Variants in CCDC59 observed in about 807,000 individuals in gnomAD.
The protein encoded by CCDC59 is coiled-coil domain containing 59, also known as thyroid transcription factor 1-associated protein 26.
In CCDC59, 27 loss-of-function variants were observed where a neutral mutation model predicts 30.5. The observed-to-expected ratio is 0.89, with a 90% CI of 0.65 to 1.22. The LOEUF (loss-of-function observed/expected upper bound fraction) is 1.22, where lower values mean the gene tolerates loss of function less well. Ranked by LOEUF, CCDC59 falls within the 50% of genes most tolerant of loss-of-function variation. The pLI is 0.00. For missense variants in CCDC59, 362 were observed against 284.4 expected, an observed-to-expected ratio of 1.27 and a Z score of -1.96; for synonymous variants, 125 against 100.9, an observed-to-expected ratio of 1.24 and a Z score of -1.43.
chr12:82,356,234 T>C (rs967642456), intron 2 of CCDC59: 1 of 152,264 alleles, frequency 6.6e-6, no homozygotes, highest in Non-Finnish European at 1.5e-5. Flanking sequence ...TATGCAGCGA[T>C]AGTTTTTTAT....
rs2136752213 is a variant in CCDC59 at position 82,357,156 on chromosome 12, G to C, written c.268C>G (p.Pro90Ala). The change falls in exon 2 of 4, where the codon CCA (proline) becomes GCA (alanine). Residue 90 changes from proline (P) to alanine (A), a missense_variant. Pro to Ala is a conservative substitution (Grantham distance 27). Coordinates refer to ENST00000256151, the MANE Select transcript of CCDC59 (RefSeq NM_014167.5). ...AAATAGAGATGTTTCAGATTATCTG[G>C]GTATCGATCTGTGAATTGAGATTCC... ...SLESQFTDRY[P>A]DNLKHLYLAE... The C allele has an allele frequency of 6.2e-7, 1 of 1,613,998 alleles. No individual in the cohort carries two copies. The highest frequency in any genetic ancestry group is 2.2e-5 in the East Asian group (1 of 44,856).
chr12:82,356,935 G>C (rs779915819), intron 2 of CCDC59, 25 bp downstream of exon 2: 3 of 1,552,764 alleles, frequency 1.9e-6, no homozygotes, highest in Non-Finnish European at 2.6e-6. Context: ...ACACTTAAAG[G>C]ATTTCAAATG....
Position 82,358,248 on chromosome 12 carries a change from T to TAACCA in CCDC59, c.128_129insTGGTT (p.Gln43HisfsTer3), listed in dbSNP as rs1565787264. 1.9e-6 allele frequency: 3 copies of TAACCA among 1,614,112 alleles called. No individual in the cohort carries two copies. The South Asian group carries it at 3.3e-5, about 18-fold the overall frequency. On this transcript the variant is annotated frameshift_variant, in exon 1 of 4. Transcript: ENST00000256151. LOFTEE classifies it high-confidence loss of function. The stretch of plus-strand genomic sequence containing the variant: ...CCTCGCGAACGCTCCCCACGAAGGC[T>TAACCA]TGCGGGTGGTTAGGCCGCCATGTCT...
chr12:82,356,606 G>C lies in CCDC59; in HGVS notation c.464+354C>G, dbSNP rs148366743. On this transcript the variant is annotated intron_variant, in intron 2 of 3. Transcript: ENST00000256151. ...ACTGGGGCACTAACATGTTGAGTCTGGCTCTAGAACCCATACTGTTAATGA... is the reference window on the plus strand; with the variant it reads ...ACTGGGGCACTAACATGTTGAGTCTCGCTCTAGAACCCATACTGTTAATGA... Among the ~76,000 whole-genome samples, 9 of 152,248 alleles carry C rather than the reference G, an allele frequency of 5.9e-5. No homozygotes were observed. The East Asian group carries it at 1.3e-3, about 23-fold the overall frequency.
intron 2 of CCDC59, 37 bp from the exon 3 acceptor site, chr12:82,354,631 G>A (rs1880948849): frequency 1.3e-6 from 2 of 1,525,384 alleles, no homozygotes; most frequent in South Asian, 2.5e-5. Context: ...GACTTTATTA[G>A]TAAAATGTCC....
chr12:82,354,780 A>C, intron 2 of CCDC59, 186 bp from the exon 3 acceptor site: 1 of 447,010 alleles, frequency 2.2e-6, no homozygotes. Flanking sequence ...TAAAAAAAAA[A>C]ACTTTTAAAA....
At chr12:82,356,815 C>T in intron 2 of CCDC59, 145 bp downstream of exon 2, 2 of 617,434 alleles carry the variant, frequency 3.2e-6, no homozygotes, top group Non-Finnish European at 5.3e-6. Context: ...AAAAATAGAG[C>T]CTCCATGAAA....
chr12:82,353,892 A>G (rs1880909837), intron 3 of CCDC59, among the ~76,000 whole-genome samples: 1 of 152,142 alleles, frequency 6.6e-6, no homozygotes, highest in South Asian at 2.1e-4. Flanking sequence ...CCACAGTTAC[A>G]ACAAAATGAC....
chr12:82,353,354 GTAGA>G (rs1880887628), intron 3 of CCDC59, 42 bp from the exon 4 acceptor site: 1 of 1,464,018 alleles, frequency 6.8e-7, no homozygotes, highest in Non-Finnish European at 9.3e-7. Flanking sequence ...GCAACAAACA[GTAGA>G]TACAGTTCAG....
chr12:82,358,499 T>C, upstream of CCDC59: 1 of 1,596,294 alleles, frequency 6.3e-7, no homozygotes, highest in Admixed American at 1.7e-5. Context: ...CTGCCTGTGC[T>C]AATTTGGGCC....
rs780288449 is a variant in CCDC59, at chr12:82,358,315, C to T, written c.62G>A (p.Gly21Glu). Residue 21 changes from glycine to glutamate, a missense_variant, in exon 1 of 4, where the codon GGG (glycine) becomes GAG (glutamate). By Grantham distance (98) the Gly-to-Glu change is moderately conservative. Coordinates refer to ENST00000256151, the MANE Select transcript of CCDC59 (RefSeq NM_014167.5). ...RPGGIEARGE[G>E]VSTVGYRNKN... ...ATTCCTGTACCCGACAGTGGAAACC[C>T]CTTCACCACGCGCCTCAATACCACC... is the stretch of plus-strand genomic sequence containing the variant. 7 of 1,614,052 alleles carry T rather than the reference C, an allele frequency of 4.3e-6. No homozygotes were observed. In the African/African-American group the frequency reaches 6.7e-5, roughly 15 times the overall value.
rs202173816 is a variant in CCDC59 at position 82,358,224 on chromosome 12, C to T, written c.153G>A (p.Glu51=). ...HPQAFVGSVR[E]GQGFAFRRKL... ...GCAAATGGTTGCCTTCTTACATACC[C>T]TCGCGAACGCTCCCCACGAAGGCTT... Residue 51 remains glutamate, a splice_region_variant and synonymous_variant, in exon 1 of 4, where the codon GAG becomes GAA. Transcript: ENST00000256151. 1.2e-4 allele frequency: 199 copies of T among 1,614,104 alleles called. No individual in the cohort carries two copies. Among genetic ancestry groups the T allele is most frequent in the Admixed American group, 2.2e-4 (13 of 60,012 alleles).
chr12:82,358,424 A>G, upstream of CCDC59: 1 of 1,608,746 alleles, frequency 6.2e-7, no homozygotes, highest in Non-Finnish European at 8.5e-7. Flanking sequence ...GACGCCCACA[A>G]AATACGTCAC....
intron 2 of CCDC59, chr12:82,354,894 T>C (rs1471982366): frequency 3.6e-5 from 7 of 191,856 alleles, no homozygotes; most frequent in Non-Finnish European, 7.4e-5. Context: ...TGAACTTTAA[T>C]CTCGAAGTTT....
intron 2 of CCDC59, 120 bp downstream of exon 2, chr12:82,356,840 A>C: frequency 1.3e-6 from 1 of 772,598 alleles, no homozygotes; most frequent in Non-Finnish European, 1.9e-6. Context: ...TTCCCTAATT[A>C]AACCGTGACT....
At chr12:82,353,677 T>C (rs1247311440) in intron 3 of CCDC59, among the ~76,000 whole-genome samples, 2 of 152,158 alleles carry the variant, frequency 1.3e-5, no homozygotes, top group Non-Finnish European at 2.9e-5. Context: ...TGGTCCAGTA[T>C]TCCCATGAAG....
chr12:82,358,360 C>A lies in CCDC59; in HGVS notation c.17G>T (p.Arg6Leu), dbSNP rs747246632. ...ACCACCAGGCCGCCACTTCGCGGAC[C>A]GCCTCACCGGCGCCATTGCAGCCGA... is the stretch of plus-strand genomic sequence containing the variant. MAPVR[R>L]SAKWRPGGIE... Residue 6 changes from arginine to leucine, a missense_variant, in exon 1 of 4, where the codon CGG (arginine) becomes CTG (leucine). By Grantham distance (102) the Arg-to-Leu change is moderately radical (BLOSUM62 -2). Coordinates refer to ENST00000256151, the MANE Select transcript of CCDC59 (RefSeq NM_014167.5). The A allele has an allele frequency of 1.2e-6, 2 of 1,613,660 alleles. No homozygotes were observed. Among genetic ancestry groups the A allele is most frequent in the Non-Finnish European group, 1.7e-6 (2 of 1,180,022 alleles).
At chr12:82,358,709 G>A (rs145040710), upstream of CCDC59, 2 of 1,614,218 alleles carry the variant, frequency 1.2e-6, no homozygotes, top group Non-Finnish European at 1.7e-6. Context: ...CCGTGTGGGA[G>A]GAGCTGGTCG....
chr12:82,358,798 C>T (rs528776770), upstream of CCDC59: 1 of 1,613,262 alleles, frequency 6.2e-7, no homozygotes, highest in South Asian at 1.1e-5. Flanking sequence ...GAGACGCGCC[C>T]CCTAGTGGAA....
Sources: gnomAD v4.1 joint callset for allele counts (sites outside exome capture counted in the v4.1 genomes callset) on GRCh38, gnomAD v4.1.1 for gene constraint, MANE v1.5 for transcripts, NCBI Gene and HGNC (gene_info 2026-07-23, HGNC 2026-07-21) for gene names.